TLCD3A: variants seen among roughly 807,000 people sequenced by gnomAD.
TLCD3A encodes TLC domain-containing protein 3A.
A neutral mutation model predicts 29.9 loss-of-function variants in TLCD3A; 17 were observed. The ratio of observed to expected loss-of-function variants is 0.57; its 90% CI spans 0.39 to 0.85. TLCD3A has a LOEUF of 0.85. Among genes scored for constraint, TLCD3A ranks in the 40% least tolerant of loss-of-function variants. The probability of loss-of-function intolerance (pLI) is 0.00; values close to 1 mark genes in which losing one functional copy is unlikely to be tolerated. For synonymous variants in TLCD3A, 143 were observed against 147.7 expected, an observed-to-expected ratio of 0.97 and a Z score of 0.23; for missense variants, 332 against 350.8, an observed-to-expected ratio of 0.95 and a Z score of 0.43.
chr17:733,088 C>A lies in TLCD3A; in HGVS notation c.123-10C>A. 1.9e-6 allele frequency: 3 copies of A among 1,576,646 alleles called. No individual in the cohort carries two copies. Among genetic ancestry groups the A allele is most frequent in the Non-Finnish European group, 2.6e-6 (3 of 1,162,016 alleles). On this transcript the variant is annotated splice_polypyrimidine_tract_variant and intron_variant, in intron 1 of 4. Coordinates refer to ENST00000308278, the MANE Select transcript of TLCD3A (RefSeq NM_024792.3). ...CTGAGCGCGCGCGCTGTTCTCTCCGCCCGCGCTAGGCTGGTTTCCTCGGTG... is the reference window on the plus strand; with the variant it reads ...CTGAGCGCGCGCGCTGTTCTCTCCGACCGCGCTAGGCTGGTTTCCTCGGTG...
Position 734,752 on chromosome 17 carries a change from T to TA in TLCD3A, c.206+1571_206+1572insA, listed in dbSNP as rs565056560. Among the ~76,000 whole-genome samples the TA allele has an allele frequency of 5.2e-3, 792 of 152,312 alleles. 8 individuals are homozygous for TA. The highest frequency in any genetic ancestry group is 0.014 in the African/African-American group (595 of 41,568). Reference sequence around the variant, plus strand: ...CCCAAATTATAGGCAGAAGGTGGTATGGGGCCAAGGATTTAGTCAGATTCT... The same window carrying TA: ...CCCAAATTATAGGCAGAAGGTGGTATAGGGGCCAAGGATTTAGTCAGATTCT... On this transcript the variant is annotated intron_variant, in intron 2 of 4. Coordinates refer to ENST00000308278, the MANE Select transcript of TLCD3A (RefSeq NM_024792.3).
Position 740,517 on chromosome 17 carries a change from G to A in TLCD3A, c.421G>A (p.Asp141Asn), listed in dbSNP as rs1246119269. 1.2e-6 allele frequency: 2 copies of A among 1,613,956 alleles called. No homozygotes were observed. Among genetic ancestry groups the A allele is most frequent in the Non-Finnish European group, 1.7e-6 (2 of 1,179,954 alleles). ...TCGTCATCCGCAGAGGCTCCGGGGA[G>A]ACCTTGGGGACTTCTTTGTCGGCTG... is the stretch of plus-strand genomic sequence containing the variant. The part of the protein sequence containing the change: ...LVPVAQRLRG[D>N]LGDFFVGCIF... Residue 141 changes from aspartate (D) to asparagine (N), a missense_variant, in exon 4 of 5, where the codon GAC becomes AAC. By Grantham distance (23) the Asp-to-Asn change is conservative. Coordinates refer to ENST00000308278, the MANE Select transcript of TLCD3A (RefSeq NM_024792.3).
chr17:737,903 G>C lies in TLCD3A; in HGVS notation c.264G>C (p.Ser88=). The C allele has an allele frequency of 6.2e-7, 1 of 1,613,938 alleles. No homozygotes were observed. The highest frequency in any genetic ancestry group is 8.5e-7 in the Non-Finnish European group (1 of 1,179,998). The change falls in exon 3 of 5, where the codon TCG becomes TCC. Residue 88 remains serine (S), a synonymous_variant. Transcript: ENST00000308278. Reference sequence around the variant, plus strand: ...TGATTCCATACATGATCTATGACTCGTACGCCATGTACCTCTGTGAATGGT... The same window carrying C: ...TGATTCCATACATGATCTATGACTCCTACGCCATGTACCTCTGTGAATGGT... The part of the protein sequence containing the change: ...WFLIPYMIYD[S]YAMYLCEWCR...
At chr17:738,095 T>TA in intron 3 of TLCD3A, 48 bp downstream of exon 3, 62 of 1,130,862 alleles carry the variant, frequency 5.5e-5, no homozygotes, top group Non-Finnish European at 6.8e-5. Flanking sequence ...GAGCTGGGTG[T>TA]CTTTTTTTTT....
intron 2 of TLCD3A, among the ~76,000 whole-genome samples, chr17:736,952 C>A (rs990118596): frequency 6.6e-6 from 1 of 151,974 alleles, no homozygotes. Flanking sequence ...CCACGCCCAG[C>A]CTCCAGACCT....
Position 741,419 on chromosome 17 carries a change from G to C in TLCD3A, c.623G>C (p.Gly208Ala). The C allele has an allele frequency of 6.2e-7, 1 of 1,614,202 alleles. No individual in the cohort carries two copies. Among genetic ancestry groups the C allele is most frequent in the Non-Finnish European group, 8.5e-7 (1 of 1,180,036 alleles). ...TACTGGTCCTATGGCCGCCAGCAGG[G>C]ACTAAGCCTGCTCCAAGTACCCTTC... is the stretch of plus-strand genomic sequence containing the variant. Reference protein sequence around the residue: ...FMYWSYGRQQGLSLLQVPFSI... With the variant: ...FMYWSYGRQQALSLLQVPFSI... The change falls in exon 5 of 5, where the codon GGA becomes GCA. Residue 208 changes from glycine to alanine, a missense_variant. Gly to Ala is a moderately conservative substitution (Grantham distance 60). Coordinates refer to ENST00000308278, the MANE Select transcript of TLCD3A (RefSeq NM_024792.3).
rs1488974116 is a variant in TLCD3A, at chr17:741,560, A to G, written c.764A>G (p.Lys255Arg). 1.2e-6 allele frequency: 2 copies of G among 1,612,932 alleles called. No individual in the cohort carries two copies. The highest frequency in any genetic ancestry group is 2.2e-5 in the East Asian group (1 of 44,890). ...VRLFDTPQAK[K>R]DG is the part of the protein sequence containing the mutation. ...CTCTTTGACACTCCCCAAGCCAAAA[A>G]GGATGGCTAAATGCTCCTGGGAGTC... is the stretch of plus-strand genomic sequence containing the variant. Residue 255 changes from lysine (K) to arginine (R), a missense_variant, in exon 5 of 5, where the codon AAG (lysine) becomes AGG (arginine). Coordinates refer to ENST00000308278, the MANE Select transcript of TLCD3A (RefSeq NM_024792.3).
intron 2 of TLCD3A, among the ~76,000 whole-genome samples, chr17:733,498 C>G (rs1974108829): frequency 6.6e-6 from 1 of 152,208 alleles, no homozygotes; most frequent in Non-Finnish European, 1.5e-5. Context: ...TCACTGGGTT[C>G]TCACTCTGGA....
At chr17:732,954 G>T in intron 1 of TLCD3A, 144 bp from the exon 2 acceptor site, 1 of 1,387,082 alleles carries the variant, frequency 7.2e-7, no homozygotes, top group South Asian at 1.4e-5. Context: ...GGGCCGGGGC[G>T]GGCGGGAATG....
Position 741,709 on chromosome 17 carries a change from A to G in TLCD3A, c.*139A>G. On this transcript the variant is annotated 3_prime_UTR_variant, in exon 5 of 5. Transcript: ENST00000308278. ...ATTTGAGTTTTTCTAAAGAATATTC[A>G]TATTACCTCCTTCTTCTAACTTGCC... 2 of 1,020,968 alleles carry G rather than the reference A, an allele frequency of 2.0e-6. No homozygotes were observed. The highest frequency in any genetic ancestry group is 1.6e-5 in the African/African-American group (1 of 61,756). The allele number at this position is 1,020,968 out of a possible 1,614,324, so 63.2% of individuals were successfully genotyped here.
chr17:733,262 C>T (rs1040367382), intron 2 of TLCD3A, 81 bp downstream of exon 2: 40 of 1,316,884 alleles, frequency 3.0e-5, no homozygotes, highest in Non-Finnish European at 4.0e-5. Context: ...CACACGCGCT[C>T]AGAAAGCTGA....
chr17:739,684 T>C (rs1353241339), intron 3 of TLCD3A, among the ~76,000 whole-genome samples: 1 of 152,214 alleles, frequency 6.6e-6, no homozygotes, highest in Non-Finnish European at 1.5e-5. Flanking sequence ...TTAGAAGCTA[T>C]TAGTCTTATG....
chr17:736,946 G>A lies in TLCD3A; in HGVS notation c.207-900G>A, dbSNP rs1032356851. On this transcript the variant is annotated intron_variant, in intron 2 of 4. Coordinates refer to ENST00000308278, the MANE Select transcript of TLCD3A (RefSeq NM_024792.3). ...TGGGATTACAGGTGTGAGCCACCACGCCCAGCCTCCAGACCTGTTTTTCTT... is the reference window on the plus strand; with the variant it reads ...TGGGATTACAGGTGTGAGCCACCACACCCAGCCTCCAGACCTGTTTTTCTT... Among the ~76,000 whole-genome samples, 5 of 147,638 alleles carry A rather than the reference G, an allele frequency of 3.4e-5. No individual in the cohort carries two copies. The East Asian group carries it at 6.2e-4, about 18-fold the overall frequency.
intron 1 of TLCD3A, 71 bp downstream of exon 1, chr17:732,840 C>T: frequency 1.5e-6 from 2 of 1,377,226 alleles, no homozygotes; most frequent in Non-Finnish European, 1.9e-6. Context: ...GCCGCGGGGC[C>T]CAGGGCGGAA....
chr17:736,520 C>A (rs1321337246), intron 2 of TLCD3A, among the ~76,000 whole-genome samples: 1 of 152,158 alleles, frequency 6.6e-6, no homozygotes, highest in African/African-American at 2.4e-5. Context: ...GATTTCCATT[C>A]AGCAAATACT....
chr17:736,132 C>T (rs1013290471), intron 2 of TLCD3A, among the ~76,000 whole-genome samples: 1 of 152,226 alleles, frequency 6.6e-6, no homozygotes, highest in South Asian at 2.1e-4. Context: ...ATTCAGATGG[C>T]GCCTCCGTAG....
At chr17:740,211 T>G (rs1329268516) in intron 3 of TLCD3A, among the ~76,000 whole-genome samples, 1 of 152,202 alleles carries the variant, frequency 6.6e-6, no homozygotes, top group Admixed American at 6.5e-5. Flanking sequence ...CTGAGTGTCT[T>G]GGCATGACTA....
chr17:741,836 T>A lies in TLCD3A; in HGVS notation c.*266T>A. The A allele has an allele frequency of 2.0e-6, 1 of 495,298 alleles. No homozygotes were observed. Among genetic ancestry groups the A allele is most frequent in the South Asian group, 2.1e-5 (1 of 46,684 alleles). The allele number at this position is 495,298 out of a possible 1,614,324, so 30.7% of individuals were successfully genotyped here. ...GCAAGCCCAAGGATCCTTCTTAAGG[T>A]CTTATCTCAAGAGCTCTGGGAGGTG... On this transcript the variant is annotated 3_prime_UTR_variant, in exon 5 of 5. Coordinates refer to ENST00000308278, the MANE Select transcript of TLCD3A (RefSeq NM_024792.3).
In TLCD3A at chr17:737,989, AC is replaced by A. The variant is rs1254591257; in HGVS notation, c.352del (p.Arg118AlafsTer3). 1.2e-6 allele frequency: 2 copies of A among 1,613,650 alleles called. No homozygotes were observed. Among genetic ancestry groups the A allele is most frequent in the Non-Finnish European group, 1.7e-6 (2 of 1,179,992 alleles). On this transcript the variant is annotated frameshift_variant, in exon 3 of 5. Coordinates refer to ENST00000308278, the MANE Select transcript of TLCD3A (RefSeq NM_024792.3). LOFTEE classifies it high-confidence loss of function. ...ACTCTTCGAAACTTCCTAAGTCGAA[AC>A]CGCCTCATGATCACACATCATGCGG... is the stretch of plus-strand genomic sequence containing the variant. ...SLTLRNFLSR[N>X]RLMITHHAVI...
Sources: allele counts gnomAD v4.1 joint callset (sites outside exome capture counted in the v4.1 genomes callset), GRCh38; gene constraint gnomAD v4.1.1; transcripts MANE v1.5; gene names NCBI Gene and HGNC (gene_info 2026-07-23, HGNC 2026-07-21).